TBC1D5: variants seen among roughly 807,000 people sequenced by gnomAD.
The protein encoded by TBC1D5 is TBC1 domain family member 5, also known as TBC1 domain family, member 5.
TBC1D5 carries 75 observed loss-of-function variants against 100.3 expected under a neutral mutation model. The ratio of observed to expected loss-of-function variants is 0.75; its 90% confidence interval spans 0.62 to 0.91. The LOEUF (loss-of-function observed/expected upper bound fraction) is 0.91, where lower values mean the gene tolerates loss of function less well. Among genes scored for constraint, TBC1D5 ranks in the 40% least tolerant of loss-of-function variants. The pLI, the probability that TBC1D5 is intolerant of heterozygous loss-of-function variation, is 0.00. For missense variants in TBC1D5, 910 were observed against 942.4 expected (o/e 0.97, Z 0.45); for synonymous variants, 323 against 325.6 (o/e 0.99, Z 0.09).
chr3:17,535,255 C>A (rs2096270706), intron 2 of TBC1D5, among the ~76,000 whole-genome samples: 1 of 152,120 alleles, frequency 6.6e-6, no homozygotes. Context: ...CCAACTAAAT[C>A]CATTCACAAA....
chr3:17,269,000 T>C (rs896818500), intron 15 of TBC1D5, among the ~76,000 whole-genome samples: 1 of 152,162 alleles, frequency 6.6e-6, no homozygotes, highest in African/African-American at 2.4e-5. Flanking sequence ...TCAGGACCTA[T>C]AGGGATCCAG....
At chr3:17,312,067 T>G (rs1040742032) in intron 13 of TBC1D5, among the ~76,000 whole-genome samples, 9 of 152,234 alleles carry the variant, frequency 5.9e-5, no homozygotes, top group African/African-American at 2.2e-4. Flanking sequence ...GATTTTAGGC[T>G]CTTATATTGG....
At chr3:17,381,620 G>T (rs115804842) in intron 9 of TBC1D5, among the ~76,000 whole-genome samples, 1 of 151,996 alleles carries the variant, frequency 6.6e-6, no homozygotes, top group Admixed American at 6.6e-5. Flanking sequence ...ATTTTAAACG[G>T]GGTCTTCTGC....
intron 2 of TBC1D5, among the ~76,000 whole-genome samples, chr3:17,592,352 T>C (rs2060283845): frequency 6.6e-6 from 1 of 152,144 alleles, no homozygotes; most frequent in African/African-American, 2.4e-5. Flanking sequence ...TGGTGAGACA[T>C]TTGCGTGTCA....
chr3:17,282,457 T>C (rs2080713191), intron 15 of TBC1D5, among the ~76,000 whole-genome samples: 1 of 152,232 alleles, frequency 6.6e-6, no homozygotes, highest in African/African-American at 2.4e-5. Flanking sequence ...TAGATTATTC[T>C]TTGCTTACTG....
At chr3:17,213,880 C>G (rs1487200898) in intron 18 of TBC1D5, among the ~76,000 whole-genome samples, 4 of 150,040 alleles carry the variant, frequency 2.7e-5, no homozygotes, top group Non-Finnish European at 4.4e-5. Flanking sequence ...TGGTTTGTTT[C>G]AAGTTCCATC....
intron 3 of TBC1D5, among the ~76,000 whole-genome samples, chr3:17,438,215 C>T (rs1439295765): frequency 6.6e-6 from 1 of 152,132 alleles, no homozygotes; most frequent in Non-Finnish European, 1.5e-5. Context: ...AGCACATAAA[C>T]AACAAAGCAG....
rs898761766 is a variant in TBC1D5 at position 17,561,377 on chromosome 3, G to A, written c.-35-52772C>T. Among the ~76,000 whole-genome samples the A allele has an allele frequency of 2.0e-5, 3 of 152,050 alleles. No individual in the cohort carries two copies. The East Asian group carries it at 5.8e-4, about 29-fold the overall frequency. On this transcript the variant is annotated intron_variant, in intron 2 of 21. Coordinates refer to ENST00000253692, the Ensembl canonical transcript of TBC1D5. ...CAAAAAAATCATAGATTAACACTCT[G>A]CTAAATGTAAAACAAAAGAAAATAT... is the stretch of plus-strand genomic sequence containing the variant.
chr3:17,721,234 T>C (rs887172118), intron 1 of TBC1D5, among the ~76,000 whole-genome samples: 1 of 152,308 alleles, frequency 6.6e-6, no homozygotes, highest in Non-Finnish European at 1.5e-5. Flanking sequence ...AAATATTTTA[T>C]AGAAATAAGT....
In TBC1D5 at chr3:17,263,135, T is replaced by C. The variant is rs114959723; in HGVS notation, c.1246-4544A>G. On this transcript the variant is annotated intron_variant, in intron 15 of 21. Coordinates refer to ENST00000253692, the Ensembl canonical transcript of TBC1D5. ...GGCAGGAGGATCACTTGAATGCAGT[T>C]TGAGGCTGCAGTGAACTATGATCAT... Among the ~76,000 whole-genome samples the C allele has an allele frequency of 8.9e-3, 1,341 of 151,494 alleles. 16 individuals are homozygous for C. Among genetic ancestry groups the C allele is most frequent in the African/African-American group, 0.031 (1,263 of 41,302 alleles).
At chr3:17,570,238 A>C (rs2096618742) in intron 2 of TBC1D5, among the ~76,000 whole-genome samples, 1 of 151,986 alleles carries the variant, frequency 6.6e-6, no homozygotes, top group Non-Finnish European at 1.5e-5. Context: ...ACAATATATA[A>C]ATTTGAAGTG....
intron 2 of TBC1D5, among the ~76,000 whole-genome samples, chr3:17,570,208 T>C (rs969201535): frequency 5.9e-5 from 9 of 151,986 alleles, no homozygotes; most frequent in African/African-American, 2.2e-4. Flanking sequence ...ATTTTAAAAA[T>C]AGTAAGCAAG....
chr3:17,414,709 T>C (rs2094019821), intron 4 of TBC1D5, among the ~76,000 whole-genome samples: 1 of 152,146 alleles, frequency 6.6e-6, no homozygotes. Context: ...ATTTTTAGCT[T>C]AAATCACAGG....
intron 21 of TBC1D5, among the ~76,000 whole-genome samples, chr3:17,163,660 T>C (rs931457975): frequency 6.6e-6 from 1 of 152,192 alleles, no homozygotes; most frequent in Non-Finnish European, 1.5e-5. Context: ...AGGATGGTTG[T>C]AGAAGCAGGT....
chr3:17,217,104 A>G (rs908265610), intron 17 of TBC1D5, among the ~76,000 whole-genome samples: 1 of 152,092 alleles, frequency 6.6e-6, no homozygotes, highest in Non-Finnish European at 1.5e-5. Context: ...TTTTCTAGAC[A>G]TGTCATGTAG....
At chr3:17,426,210 T>C (rs1016450439) in intron 4 of TBC1D5, among the ~76,000 whole-genome samples, 2 of 152,146 alleles carry the variant, frequency 1.3e-5, no homozygotes, top group African/African-American at 2.4e-5. Flanking sequence ...AAAAAATAAT[T>C]TGCATTTTCA....
At chr3:17,463,196 T>C (rs1431860696) in intron 3 of TBC1D5, among the ~76,000 whole-genome samples, 1 of 152,252 alleles carries the variant, frequency 6.6e-6, no homozygotes, top group Admixed American at 6.5e-5. Flanking sequence ...GGCATATTAC[T>C]GATAAATATT....
Position 17,427,449 on chromosome 3 carries a change from GAAAT to G in TBC1D5, c.167+997_167+1000del, listed in dbSNP as rs573434849. On this transcript the variant is annotated intron_variant, in intron 4 of 21. Transcript: ENST00000253692. ...GTTAAAAGCCCGCCTGAAATCTGAAGAAATAAATGACACAGTTCCAATTAAGAAT... is the reference window on the plus strand; with the variant it reads ...GTTAAAAGCCCGCCTGAAATCTGAAGAAATGACACAGTTCCAATTAAGAAT... 6.6e-5 allele frequency among the ~76,000 whole-genome samples: 10 copies of G among 151,898 alleles called. No individual in the cohort carries two copies. The East Asian group carries it at 1.9e-3, about 29-fold the overall frequency.
At chr3:17,212,809 CGTTT>C (rs1477307203) in intron 18 of TBC1D5, among the ~76,000 whole-genome samples, 1 of 151,868 alleles carries the variant, frequency 6.6e-6, no homozygotes, top group African/African-American at 2.4e-5. Context: ...CTATCAAATG[CGTTT>C]GTTTTGAGCT....
Sources: gnomAD v4.1 joint callset for allele counts (sites outside exome capture counted in the v4.1 genomes callset) on GRCh38, gnomAD v4.1.1 for gene constraint, MANE v1.5 for transcripts, NCBI Gene and HGNC (gene_info 2026-07-23, HGNC 2026-07-21) for gene names.